The following RAP1GDS1 variants were observed in gnomAD, a reference collection of about 807,000 sequenced individuals.
RAP1GDS1 encodes Rap1 GTPase-GDP dissociation stimulator 1, also known as RAP1, GTP-GDP dissociation stimulator 1.
Under a neutral mutation model 71.1 loss-of-function variants are expected in RAP1GDS1, and 35 were observed. That is an observed-to-expected ratio of 0.49 (90% CI 0.38 to 0.65). RAP1GDS1 has a LOEUF of 0.65. Ranked by LOEUF, RAP1GDS1 falls within the 30% of genes least tolerant of loss-of-function variation. The pLI, the probability that RAP1GDS1 is intolerant of heterozygous loss-of-function variation, is 0.00. For missense variants in RAP1GDS1, 663 were observed against 706.1 expected, an observed-to-expected ratio of 0.94 and a Z score of 0.69; for synonymous variants, 229 against 243.1, an observed-to-expected ratio of 0.94 and a Z score of 0.54.
intron 1 of RAP1GDS1, among the ~76,000 whole-genome samples, chr4:98,285,836 A>T (rs906748230): frequency 4.1e-5 from 6 of 147,432 alleles, no homozygotes; most frequent in Non-Finnish European, 7.5e-5. Context: ...ATTATAAATA[A>T]ATTATAAATA....
intron 5 of RAP1GDS1, among the ~76,000 whole-genome samples, chr4:98,380,041 C>T (rs1416639698): frequency 2.8e-5 from 4 of 144,718 alleles, no homozygotes; most frequent in Non-Finnish European, 6.1e-5. Flanking sequence ...TTTTTTTTCA[C>T]ATTTTATAGT....
intron 14 of RAP1GDS1, among the ~76,000 whole-genome samples, chr4:98,438,249 A>G (rs1751413078): frequency 6.6e-6 from 1 of 151,014 alleles, no homozygotes; most frequent in African/African-American, 2.4e-5. Flanking sequence ...TTTTTTTATT[A>G]TTACTATTTT....
At chr4:98,415,907 C>CTTTA (rs1199660326) in intron 7 of RAP1GDS1, among the ~76,000 whole-genome samples, 5 of 152,078 alleles carry the variant, frequency 3.3e-5, no homozygotes, top group East Asian at 1.9e-4. Context: ...AAAAACACGA[C>CTTTA]TTTATTTATT....
intron 14 of RAP1GDS1, among the ~76,000 whole-genome samples, chr4:98,440,056 C>A (rs1344518151): frequency 2.6e-5 from 4 of 152,204 alleles, no homozygotes; most frequent in Non-Finnish European, 5.9e-5. Context: ...CATCTGACAA[C>A]TCTAGTCACC....
At chr4:98,295,342 G>A (rs1432044740) in intron 2 of RAP1GDS1, among the ~76,000 whole-genome samples, 2 of 152,100 alleles carry the variant, frequency 1.3e-5, no homozygotes, top group East Asian at 3.9e-4. Context: ...CCCCAGGAAG[G>A]GAACAAAAGG....
chr4:98,295,633 G>C (rs1423663702), intron 2 of RAP1GDS1, among the ~76,000 whole-genome samples: 1 of 152,058 alleles, frequency 6.6e-6, no homozygotes, highest in Non-Finnish European at 1.5e-5. Flanking sequence ...GTTTGGATTT[G>C]AACTCTTGAT....
chr4:98,293,535 C>T lies in RAP1GDS1; in HGVS notation c.112+20C>T, dbSNP rs1222937123. 1 of 1,555,342 alleles carries T rather than the reference C, an allele frequency of 6.4e-7. No individual in the cohort carries two copies. The highest frequency in any genetic ancestry group is 1.8e-5 in the Admixed American group (1 of 56,030). ...AAAATAGTAAGTTTCATTATGTTTACTCAAATTCCAAAGAAGAAAATCAAA... is the reference window on the plus strand; with the variant it reads ...AAAATAGTAAGTTTCATTATGTTTATTCAAATTCCAAAGAAGAAAATCAAA... On this transcript the variant is annotated intron_variant, in intron 2 of 14. Transcript: ENST00000408927.
intron 4 of RAP1GDS1, among the ~76,000 whole-genome samples, chr4:98,372,165 T>A (rs1740479536): frequency 6.6e-6 from 1 of 152,128 alleles, no homozygotes; most frequent in Admixed American, 6.5e-5. Context: ...CTTGTGTTTT[T>A]TTATTGTTTG....
At chr4:98,306,851 C>T (rs1010578419) in intron 2 of RAP1GDS1, among the ~76,000 whole-genome samples, 7 of 152,020 alleles carry the variant, frequency 4.6e-5, no homozygotes, top group African/African-American at 7.2e-5. Context: ...TTTCTTACAT[C>T]GTCTAAATGC....
chr4:98,329,788 C>CAAAA (rs34140500), intron 2 of RAP1GDS1, among the ~76,000 whole-genome samples: 6 of 43,424 alleles, frequency 1.4e-4, no homozygotes, highest in Non-Finnish European at 2.0e-4. Context: ...GACTCCATCT[C>CAAAA]AAAAAAAAAA....
intron 6 of RAP1GDS1, among the ~76,000 whole-genome samples, chr4:98,392,642 A>G (rs375170905): frequency 1.3e-5 from 2 of 152,296 alleles, no homozygotes; most frequent in African/African-American, 4.8e-5. Context: ...CAGAGGTTGC[A>G]GTGATCCGAC....
chr4:98,392,467 C>T (rs935881478), intron 6 of RAP1GDS1, among the ~76,000 whole-genome samples: 2 of 152,162 alleles, frequency 1.3e-5, no homozygotes, highest in African/African-American at 4.8e-5. Context: ...GTGGTTCCAG[C>T]ACTTCGGAAG....
At chr4:98,273,387 AAT>A (rs1723764556) in intron 1 of RAP1GDS1, among the ~76,000 whole-genome samples, 2 of 152,316 alleles carry the variant, frequency 1.3e-5, no homozygotes, top group South Asian at 4.1e-4. Context: ...AAAAGGGAAA[AAT>A]ATATATGAGA....
At chr4:98,344,374 CT>C (rs1735934243) in intron 3 of RAP1GDS1, among the ~76,000 whole-genome samples, 1 of 152,106 alleles carries the variant, frequency 6.6e-6, no homozygotes, top group Admixed American at 6.6e-5. Context: ...AAGAACAAGT[CT>C]TTTATTTTTA....
At chr4:98,278,767 T>A (rs567919935) in intron 1 of RAP1GDS1, among the ~76,000 whole-genome samples, 59 of 152,304 alleles carry the variant, frequency 3.9e-4, no homozygotes, top group Non-Finnish European at 6.9e-4. Flanking sequence ...ATAATACAAA[T>A]TTTAATATGG....
chr4:98,395,726 T>C (rs539283105), intron 6 of RAP1GDS1, among the ~76,000 whole-genome samples: 42 of 152,308 alleles, frequency 2.8e-4, no homozygotes, highest in Non-Finnish European at 4.7e-4. Context: ...CCACCTCTTA[T>C]ACTTTCCATT....
intron 2 of RAP1GDS1, among the ~76,000 whole-genome samples, chr4:98,325,413 C>T (rs1187804559): frequency 6.6e-6 from 1 of 151,410 alleles, no homozygotes; most frequent in East Asian, 1.9e-4. Context: ...CCAGCCATCC[C>T]ATTACTGGGT....
chr4:98,305,842 T>C (rs1025090427), intron 2 of RAP1GDS1, among the ~76,000 whole-genome samples: 1 of 152,206 alleles, frequency 6.6e-6, no homozygotes, highest in African/African-American at 2.4e-5. Flanking sequence ...TTCTTAAGTT[T>C]GCTACATTTG....
chr4:98,273,982 A>G (rs1267680847), intron 1 of RAP1GDS1, among the ~76,000 whole-genome samples: 3 of 152,184 alleles, frequency 2.0e-5, no homozygotes, highest in Non-Finnish European at 4.4e-5. Context: ...TGCAAAATAT[A>G]TCTATTGCAA....
Sources: allele counts gnomAD v4.1 joint callset (sites outside exome capture counted in the v4.1 genomes callset), GRCh38; gene constraint gnomAD v4.1.1; transcripts MANE v1.5; gene names NCBI Gene and HGNC (gene_info 2026-07-23, HGNC 2026-07-21).